SIRT5: variants seen among roughly 807,000 people sequenced by gnomAD.
SIRT5 encodes the protein sirtuin 5.
SIRT5 carries 26 observed loss-of-function variants against 40.0 expected under a neutral mutation model. The ratio of observed to expected loss-of-function variants is 0.65; its 90% confidence interval spans 0.48 to 0.90. SIRT5 has a LOEUF of 0.90. Ranked by LOEUF, SIRT5 falls within the 40% of genes least tolerant of loss-of-function variation. The pLI, the probability that SIRT5 is intolerant of heterozygous loss-of-function variation, is 0.00. For missense variants in SIRT5, 401 were observed against 402.4 expected (o/e 1.00, Z 0.03); for synonymous variants, 146 against 149.1 (o/e 0.98, Z 0.15).
intron 9 of SIRT5, among the ~76,000 whole-genome samples, chr6:13,606,825 G>A (rs992408729): frequency 6.6e-6 from 1 of 152,096 alleles, no homozygotes; most frequent in African/African-American, 2.4e-5. Context: ...GGGATTACAG[G>A]CGTGCACCAC....
chr6:13,600,752 A>T lies in SIRT5; in HGVS notation c.742-82A>T, dbSNP rs1301733223. 3.5e-5 allele frequency: 38 copies of T among 1,093,480 alleles called. No homozygotes were observed. In the East Asian group the frequency reaches 1.0e-3, roughly 29 times the overall value. 67.7% of individuals were successfully genotyped at this position (1,093,480 alleles called of 1,614,324 possible). A position where few individuals can be genotyped will look rare whatever the true frequency, so the allele number is the denominator to read the frequency against. On this transcript the variant is annotated intron_variant, in intron 8 of 9. Transcript: ENST00000606117. ...ACACCTGCAACCACAGACCTGCCTG[A>T]GTTTGTGTAAGGTTTTCTGAAATAA...
chr6:13,588,153 A>G (rs1004415069), intron 3 of SIRT5, among the ~76,000 whole-genome samples, 178 bp from the exon 4 acceptor site: 1 of 152,214 alleles, frequency 6.6e-6, no homozygotes, highest in African/African-American at 2.4e-5. Flanking sequence ...CTGCTTTAAA[A>G]TATTGTACAC....
chr6:13,587,989 G>A (rs536571362), intron 3 of SIRT5, among the ~76,000 whole-genome samples: 3 of 152,104 alleles, frequency 2.0e-5, no homozygotes, highest in South Asian at 2.1e-4. Flanking sequence ...TTTAATCTTC[G>A]TAACATGCCT....
Position 13,595,509 on chromosome 6 carries a change from G to C in SIRT5, c.508G>C (p.Gly170Arg). The C allele has an allele frequency of 6.2e-7, 1 of 1,614,102 alleles. No homozygotes were observed. Among genetic ancestry groups the C allele is most frequent in the Non-Finnish European group, 8.5e-7 (1 of 1,179,982 alleles). ...ATTTAAAACTCGATGTACCTCTTGT[G>C]GAGTTGTGGCTGAGAATTACAAGAG... is the stretch of plus-strand genomic sequence containing the variant. ...SLFKTRCTSC[G>R]VVAENYKSPI... Residue 170 changes from glycine (G) to arginine (R), a missense_variant, in exon 6 of 10, where the codon GGA becomes CGA. Gly to Arg is a moderately radical substitution (Grantham distance 125). Coordinates refer to ENST00000606117, the MANE Select transcript of SIRT5 (RefSeq NM_012241.5).
rs1019712464 is a variant in SIRT5 at position 13,611,704 on chromosome 6, C to A, written c.858-86C>A. On this transcript the variant is annotated intron_variant, in intron 9 of 9. Transcript: ENST00000606117. ...AATTTGGGTTTTACTTCGGCTATTACTTCAGAAATAAGTGCTTGCTGAAGT... is the reference window on the plus strand; with the variant it reads ...AATTTGGGTTTTACTTCGGCTATTAATTCAGAAATAAGTGCTTGCTGAAGT... 1.4e-5 allele frequency: 14 copies of A among 983,162 alleles called. No individual in the cohort carries two copies. In the Admixed American group the frequency reaches 2.5e-4, roughly 17 times the overall value. The allele number at this position is 983,162 out of a possible 1,614,324, so 60.9% of individuals were successfully genotyped here.
chr6:13,613,506 A>G lies in SIRT5; in HGVS notation c.*1641A>G, dbSNP rs1584894239. 1 of 152,248 alleles carries G rather than the reference A, an allele frequency of 6.6e-6. No homozygotes were observed. Among genetic ancestry groups the G allele is most frequent in the Admixed American group, 6.5e-5 (1 of 15,288 alleles). 9.4% of individuals were successfully genotyped at this position (152,248 alleles called of 1,614,324 possible). The stretch of plus-strand genomic sequence containing the variant: ...GACCACATCACCTCAGCCCCTTGCA[A>G]AATTGCATTTAATGTTACACCCTTG... On this transcript the variant is annotated 3_prime_UTR_variant, in exon 10 of 10. Transcript: ENST00000606117.
At chr6:13,594,745 G>A (rs1464118018) in intron 5 of SIRT5, among the ~76,000 whole-genome samples, 2 of 152,230 alleles carry the variant, frequency 1.3e-5, no homozygotes, top group Admixed American at 6.5e-5. Flanking sequence ...ACGGAGCAGC[G>A]CATGTCCACT....
chr6:13,592,716 C>G (rs947799209), intron 5 of SIRT5, among the ~76,000 whole-genome samples: 1 of 152,172 alleles, frequency 6.6e-6, no homozygotes, highest in East Asian at 1.9e-4. Context: ...TGGGTAACCC[C>G]TCACCCCTTC....
At chr6:13,584,296 G>T (rs1251395050) in intron 3 of SIRT5, 71 bp downstream of exon 3, 1 of 1,102,358 alleles carries the variant, frequency 9.1e-7, no homozygotes, top group Non-Finnish European at 1.4e-6. Context: ...ACTTCGAGAG[G>T]AATGTCTCTG....
In SIRT5 at chr6:13,584,102, C is replaced by G; in HGVS notation, c.-9C>G. ...CCGCCTCAAGCATTAGAACTACAGA[C>G]AAACCCTGATGCGACCTCTCCAGAT... On this transcript the variant is annotated 5_prime_UTR_variant, in exon 3 of 10. Transcript: ENST00000606117. 6.2e-7 allele frequency: 1 copy of G among 1,610,294 alleles called. No individual in the cohort carries two copies. The highest frequency in any genetic ancestry group is 8.5e-7 in the Non-Finnish European group (1 of 1,176,676).
chr6:13,608,867 G>A (rs1383928707), intron 9 of SIRT5, among the ~76,000 whole-genome samples: 1 of 151,270 alleles, frequency 6.6e-6, no homozygotes. Flanking sequence ...TTGTTGCTCA[G>A]GCTGGAGTGC....
intron 9 of SIRT5, chr6:13,604,809 C>T: frequency 9.0e-7 from 1 of 1,109,100 alleles, no homozygotes; most frequent in Non-Finnish European, 1.1e-6. Flanking sequence ...CTACTTCAGC[C>T]AAAATTCTTC....
At chr6:13,586,885 C>T (rs1245365978) in intron 3 of SIRT5, among the ~76,000 whole-genome samples, 2 of 152,108 alleles carry the variant, frequency 1.3e-5, no homozygotes, top group East Asian at 1.9e-4. Flanking sequence ...AATGAGGCCA[C>T]GTTCCCTTTA....
chr6:13,613,524 C>T lies in SIRT5; in HGVS notation c.*1659C>T, dbSNP rs1183702936. 4 of 152,242 alleles carry T rather than the reference C, an allele frequency of 2.6e-5. No individual in the cohort carries two copies. Among genetic ancestry groups the T allele is most frequent in the African/African-American group, 9.6e-5 (4 of 41,460 alleles). The allele number at this position is 152,242 out of a possible 1,614,324, so 9.4% of individuals were successfully genotyped here. ...CCTTGCAAAATTGCATTTAATGTTA[C>T]ACCCTTGGCTTTTGTAGAAACAGGC... On this transcript the variant is annotated 3_prime_UTR_variant, in exon 10 of 10. Coordinates refer to ENST00000606117, the MANE Select transcript of SIRT5 (RefSeq NM_012241.5).
At chr6:13,574,416 G>A (rs1186359676), upstream of SIRT5, 5 of 152,222 alleles carry the variant, frequency 3.3e-5, no homozygotes, top group East Asian at 9.7e-4. Context: ...GCACCGCCCA[G>A]GGCCTGCCGC....
rs139878325 is a variant in SIRT5, at chr6:13,581,647, A to G, written c.-36+2038A>G. On this transcript the variant is annotated intron_variant, in intron 2 of 9. Coordinates refer to ENST00000606117, the MANE Select transcript of SIRT5 (RefSeq NM_012241.5). ...GTCTTCATGGTATGGATAAACCACA[A>G]TTTGTTTACCCATTTATAAATTGAT... is the stretch of plus-strand genomic sequence containing the variant. 3.3e-3 allele frequency among the ~76,000 whole-genome samples: 498 copies of G among 152,282 alleles called. 5 individuals are homozygous for G. In the South Asian group the frequency reaches 0.046, roughly 14 times the overall value.
chr6:13,590,409 T>C (rs888923738), intron 4 of SIRT5, among the ~76,000 whole-genome samples: 4 of 152,216 alleles, frequency 2.6e-5, no homozygotes, highest in Non-Finnish European at 4.4e-5. Flanking sequence ...ATATAAAATA[T>C]ACACTTTTTA....
chr6:13,593,349 T>G (rs547361879), intron 5 of SIRT5, among the ~76,000 whole-genome samples: 1 of 152,324 alleles, frequency 6.6e-6, no homozygotes, highest in African/African-American at 2.4e-5. Flanking sequence ...TCATTTCGAC[T>G]GTGTCTGTCT....
intron 4 of SIRT5, 76 bp downstream of exon 4, chr6:13,588,540 G>A (rs908899438): frequency 1.0e-5 from 15 of 1,494,362 alleles, no homozygotes; most frequent in South Asian, 1.3e-5. Flanking sequence ...ATCCTATACC[G>A]ATCCCCGAAA....
Sources: gnomAD v4.1 joint callset for allele counts (sites outside exome capture counted in the v4.1 genomes callset) on GRCh38, gnomAD v4.1.1 for gene constraint, MANE v1.5 for transcripts, NCBI Gene and HGNC (gene_info 2026-07-23, HGNC 2026-07-21) for gene names.